The following SAV1 variants were observed in gnomAD, a reference collection of about 807,000 sequenced individuals.
SAV1 encodes the protein protein salvador homolog 1.
Under a neutral mutation model 47.3 loss-of-function variants are expected in SAV1, and 23 were observed. The ratio of observed to expected loss-of-function variants is 0.49; its 90% confidence interval spans 0.35 to 0.69. The LOEUF (loss-of-function observed/expected upper bound fraction) is 0.69, where lower values mean the gene tolerates loss of function less well. SAV1 is among the 30% of genes least tolerant of loss of function. SAV1 has a pLI of 0.01. For synonymous variants in SAV1, 155 were observed against 159.2 expected (o/e 0.97, Z 0.20); for missense variants, 448 against 457.4 (o/e 0.98, Z 0.19).
rs79500251 is a variant in SAV1 at position 50,653,439 on chromosome 14, C to T, written c.536-8425G>A. ...ATTCCAACTAATAAAGAAGAAATGA[C>T]AGAATTCAAGTATCAAAATTTGCAA... is the stretch of plus-strand genomic sequence containing the variant. On this transcript the variant is annotated intron_variant, in intron 2 of 4. Coordinates refer to ENST00000324679, the MANE Select transcript of SAV1 (RefSeq NM_021818.4). 8.7e-3 allele frequency among the ~76,000 whole-genome samples: 1,319 copies of T among 152,196 alleles called. 14 individuals are homozygous for T. Among genetic ancestry groups the T allele is most frequent in the African/African-American group, 0.03 (1,235 of 41,526 alleles).
intron 3 of SAV1, among the ~76,000 whole-genome samples, chr14:50,643,381 G>C (rs549430713): frequency 2.8e-4 from 43 of 152,180 alleles, no homozygotes; most frequent in East Asian, 7.7e-4. Flanking sequence ...GAAGATGAAG[G>C]GGAAGCAAGG....
Position 50,656,259 on chromosome 14 carries a change from T to C in SAV1, c.535+8920A>G, listed in dbSNP as rs531173093. Reference sequence around the variant, plus strand: ...TAAAGGAAGCACAAAGACCTCTCTGTAAATACTCTCATTTTTAAAGCCTGA... The same window carrying C: ...TAAAGGAAGCACAAAGACCTCTCTGCAAATACTCTCATTTTTAAAGCCTGA... On this transcript the variant is annotated intron_variant, in intron 2 of 4. Transcript: ENST00000324679. 7.2e-5 allele frequency among the ~76,000 whole-genome samples: 11 copies of C among 152,256 alleles called. No homozygotes were observed. The East Asian group carries it at 2.1e-3, about 29-fold the overall frequency.
chr14:50,667,658 G>C (rs920594835), intron 1 of SAV1, among the ~76,000 whole-genome samples: 1 of 150,774 alleles, frequency 6.6e-6, no homozygotes, highest in African/African-American at 2.4e-5. Context: ...GGTGCTCTTG[G>C]GGGGGTTAGG....
At chr14:50,656,584 A>G (rs2039814352) in intron 2 of SAV1, among the ~76,000 whole-genome samples, 1 of 151,890 alleles carries the variant, frequency 6.6e-6, no homozygotes, top group South Asian at 2.1e-4. Context: ...CTGGGACTAC[A>G]GGCACCCGCC....
chr14:50,635,548 C>T (rs1037414582), intron 4 of SAV1, among the ~76,000 whole-genome samples, 164 bp from the exon 5 acceptor site: 3 of 152,114 alleles, frequency 2.0e-5, no homozygotes, highest in African/African-American at 7.2e-5. Flanking sequence ...CTATTATAGT[C>T]CCAGCTACTT....
intron 2 of SAV1, among the ~76,000 whole-genome samples, chr14:50,648,744 C>T (rs1265816843): frequency 6.6e-6 from 1 of 151,878 alleles, no homozygotes; most frequent in Admixed American, 6.6e-5. Flanking sequence ...CGCCACTGCA[C>T]TCCAGCCTGG....
At chr14:50,660,527 G>A (rs940273859) in intron 2 of SAV1, among the ~76,000 whole-genome samples, 7 of 152,188 alleles carry the variant, frequency 4.6e-5, no homozygotes, top group African/African-American at 1.7e-4. Context: ...TGGGGTACAT[G>A]TGATATTGTG....
At chr14:50,646,436 A>G (rs191999928) in intron 2 of SAV1, among the ~76,000 whole-genome samples, 65 of 152,364 alleles carry the variant, frequency 4.3e-4, no homozygotes, top group African/African-American at 1.5e-3. Flanking sequence ...CTGTAATCCG[A>G]GCACTTTGGG....
At chr14:50,656,080 G>A (rs574571161) in intron 2 of SAV1, among the ~76,000 whole-genome samples, 8 of 152,234 alleles carry the variant, frequency 5.3e-5, no homozygotes, top group East Asian at 1.9e-4. Flanking sequence ...GGTTTAGAGC[G>A]TATTAAAAGT....
At position 50,644,772 on chromosome 14, in the gene SAV1, CCTT is replaced by C. The variant is rs1414850565; in HGVS notation, c.775_777del (p.Lys259del). On this transcript the variant is annotated inframe_deletion, in exon 3 of 5. Transcript: ENST00000324679. Reference sequence around the variant, plus strand: ...GGAGCACAGGGATGCCTGTATTGGGCCTTCTTATTTGTGTGATCTACATAATAG... The same window carrying C: ...GGAGCACAGGGATGCCTGTATTGGGCCTTATTTGTGTGATCTACATAATAG... 1 of 1,614,034 alleles carries C rather than the reference CCTT, an allele frequency of 6.2e-7. No homozygotes were observed. Among genetic ancestry groups the C allele is most frequent in the Non-Finnish European group, 8.5e-7 (1 of 1,179,960 alleles).
intron 4 of SAV1, among the ~76,000 whole-genome samples, chr14:50,639,210 G>T (rs2039661353): frequency 6.6e-6 from 1 of 152,186 alleles, no homozygotes; most frequent in Admixed American, 6.5e-5. Flanking sequence ...TCAAGTTTTA[G>T]AAGTATATGC....
At chr14:50,653,652 C>T (rs183101771) in intron 2 of SAV1, among the ~76,000 whole-genome samples, 16 of 152,160 alleles carry the variant, frequency 1.1e-4, no homozygotes, top group Non-Finnish European at 1.5e-4. Context: ...AGGTGTATCA[C>T]GAGGTCAAGA....
At chr14:50,658,091 C>T (rs1479645220) in intron 2 of SAV1, among the ~76,000 whole-genome samples, 1 of 152,128 alleles carries the variant, frequency 6.6e-6, no homozygotes, top group African/African-American at 2.4e-5. Flanking sequence ...TAAACTCAAC[C>T]AAATGCTTTC....
chr14:50,656,348 C>T (rs376984256), intron 2 of SAV1, among the ~76,000 whole-genome samples: 56 of 151,970 alleles, frequency 3.7e-4, no homozygotes, highest in African/African-American at 1.2e-3. Context: ...GCTTTACTAA[C>T]GCTATTAAAA....
At chr14:50,647,428 G>A (rs550431785) in intron 2 of SAV1, among the ~76,000 whole-genome samples, 3 of 152,146 alleles carry the variant, frequency 2.0e-5, no homozygotes, top group East Asian at 3.9e-4. Flanking sequence ...GCAGTGACAC[G>A]CACCTGTAGT....
chr14:50,668,163 C>T lies in SAV1; in HGVS notation c.-196G>A, dbSNP rs1277939174. 8 of 305,172 alleles carry T rather than the reference C, an allele frequency of 2.6e-5. No individual in the cohort carries two copies. Among genetic ancestry groups the T allele is most frequent in the African/African-American group, 1.8e-4 (8 of 45,100 alleles). The allele number at this position is 305,172 out of a possible 1,614,324, so 18.9% of individuals were successfully genotyped here. A position where few individuals can be genotyped will look rare whatever the true frequency, so the allele number is the denominator to read the frequency against. ...TGTTCAGGGCGCTAAGCGCGCCGGC[C>T]GCCGCTCAGTCGCTGGTCAGTTCCT... On this transcript the variant is annotated 5_prime_UTR_variant, in exon 1 of 5. Transcript: ENST00000324679.
At chr14:50,651,959 C>T (rs988460090) in intron 2 of SAV1, among the ~76,000 whole-genome samples, 5 of 152,088 alleles carry the variant, frequency 3.3e-5, no homozygotes, top group African/African-American at 9.7e-5. Flanking sequence ...ACTTCCTCAT[C>T]GGGAAATATC....
intron 2 of SAV1, among the ~76,000 whole-genome samples, chr14:50,646,225 A>G (rs1007571920): frequency 6.6e-6 from 1 of 152,212 alleles, no homozygotes; most frequent in Admixed American, 6.5e-5. Context: ...GGGATTAACA[A>G]AAATAAAATT....
rs540871325 is a variant in SAV1, at chr14:50,642,502, A to AG, written c.807-1610_807-1609insC. ...GAAACTCCGTCTCAGAAAAAAAAAA[A>AG]AAAAGAAAAGAAAAACTACCTATCA... On this transcript the variant is annotated intron_variant, in intron 3 of 4. Transcript: ENST00000324679. 1.2e-3 allele frequency among the ~76,000 whole-genome samples: 187 copies of AG among 152,092 alleles called. 1 individual carries two copies. Among genetic ancestry groups the AG allele is most frequent in the African/African-American group, 4.2e-3 (176 of 41,498 alleles).
Sources: allele counts gnomAD v4.1 joint callset (sites outside exome capture counted in the v4.1 genomes callset), GRCh38; gene constraint gnomAD v4.1.1; transcripts MANE v1.5; gene names NCBI Gene and HGNC (gene_info 2026-07-23, HGNC 2026-07-21).